IL26: variants seen among roughly 807,000 people sequenced by gnomAD.
IL26 encodes the protein interleukin 26, also known as interleukin-26.
IL26 carries 23 observed loss-of-function variants against 21.7 expected under a neutral mutation model. The ratio of observed to expected loss-of-function variants is 1.06; its 90% CI spans 0.76 to 1.50. The LOEUF is 1.50. Among genes scored for constraint, IL26 ranks in the 40% most tolerant of loss-of-function variants. The pLI is 0.00. For missense variants in IL26, 204 were observed against 196.0 expected, an observed-to-expected ratio of 1.04 and a Z score of -0.24; for synonymous variants, 63 against 67.8, an observed-to-expected ratio of 0.93 and a Z score of 0.34.
chr12:68,221,565 A>G (rs1201874852), intron 3 of IL26, among the ~76,000 whole-genome samples: 1 of 152,220 alleles, frequency 6.6e-6, no homozygotes, highest in Non-Finnish European at 1.5e-5. Context: ...AAAACCTAGA[A>G]ATGTTCAATA....
chr12:68,211,378 T>G (rs1868724453), intron 3 of IL26, among the ~76,000 whole-genome samples: 1 of 152,216 alleles, frequency 6.6e-6, no homozygotes, highest in African/African-American at 2.4e-5. Context: ...TGAGTGCAGG[T>G]TATCTCTTCA....
Position 68,225,183 on chromosome 12 carries a change from T to C in IL26, c.329A>G (p.Asp110Gly), listed in dbSNP as rs769498931. 6.2e-7 allele frequency: 1 copy of C among 1,613,394 alleles called. No homozygotes were observed. The change falls in exon 3 of 5, where the codon GAC becomes GGC. Residue 110 changes from aspartate to glycine, a missense_variant. Coordinates refer to ENST00000229134, the MANE Select transcript of IL26 (RefSeq NM_018402.2). ...CAATTTCTGCCTAAGGCTATGAAAGTCCTCCACAAAGCGTATTTTCTTGCA... is the reference window on the plus strand; with the variant it reads ...CAATTTCTGCCTAAGGCTATGAAAGCCCTCCACAAAGCGTATTTTCTTGCA... ...QGCKKIRFVE[D>G]FHSLRQKLSH... is the part of the protein sequence containing the mutation.
Position 68,225,144 on chromosome 12 carries a change from C to G in IL26, c.363+5G>C. ...AAATGCACAGTATTTGTTGTGTATA[C>G]TTACACAGTGGCTCAATTTCTGCCT... On this transcript the variant is annotated splice_donor_5th_base_variant and intron_variant, in intron 3 of 4. Transcript: ENST00000229134. 6.2e-7 allele frequency: 1 copy of G among 1,607,298 alleles called. No homozygotes were observed. The highest frequency in any genetic ancestry group is 8.5e-7 in the Non-Finnish European group (1 of 1,177,676).
At position 68,225,222 on chromosome 12, in the gene IL26, AG is replaced by A; in HGVS notation, c.289del (p.Leu97CysfsTer22). 3 of 1,613,872 alleles carry A rather than the reference AG, an allele frequency of 1.9e-6. No homozygotes were observed. The highest frequency in any genetic ancestry group is 2.5e-6 in the Non-Finnish European group (3 of 1,179,894). On this transcript the variant is annotated frameshift_variant, in exon 3 of 5. Coordinates refer to ENST00000229134, the MANE Select transcript of IL26 (RefSeq NM_018402.2). LOFTEE classifies it high-confidence loss of function. ...SFFMEDVFGQLQLQGCKKIRF... is the reference protein window; with the variant it reads ...SFFMEDVFGQXQLQGCKKIRF... ...TATTTTCTTGCAGCCTTGCAATTGC[AG>A]TTGACCAAAAACGTCTTCCATGAAG... is the stretch of plus-strand genomic sequence containing the variant.
At chr12:68,218,893 G>T (rs1031778516) in intron 3 of IL26, among the ~76,000 whole-genome samples, 1 of 152,006 alleles carries the variant, frequency 6.6e-6, no homozygotes, top group Non-Finnish European at 1.5e-5. Context: ...GAAAGCTGGA[G>T]TGATTCTATT....
chr12:68,225,499 T>G lies in IL26; in HGVS notation c.173A>C (p.Glu58Ala). 1.3e-6 allele frequency: 2 copies of G among 1,597,940 alleles called. No homozygotes were observed. The highest frequency in any genetic ancestry group is 1.7e-6 in the Non-Finnish European group (2 of 1,166,044). ...TAATCGTATATTTTTTATGCGGTCT[T>G]CCTACAATAATACAAAGAGAAATAA... ...KAAWLKATIP[E>A]DRIKNIRLLK... is the part of the protein sequence containing the mutation. The change falls in exon 2 of 5, where the codon GAA becomes GCA. Residue 58 changes from glutamate to alanine, a missense_variant and splice_region_variant. By Grantham distance (107) the Glu-to-Ala change is moderately radical. Coordinates refer to ENST00000229134, the MANE Select transcript of IL26 (RefSeq NM_018402.2).
chr12:68,210,935 C>G (rs902984747), intron 3 of IL26, among the ~76,000 whole-genome samples: 1 of 152,096 alleles, frequency 6.6e-6, no homozygotes, highest in African/African-American at 2.4e-5. Context: ...GAGCTGCACC[C>G]CATAATTTTT....
chr12:68,218,985 A>G (rs559361485), intron 3 of IL26, among the ~76,000 whole-genome samples: 2 of 152,126 alleles, frequency 1.3e-5, no homozygotes, highest in South Asian at 4.1e-4. Flanking sequence ...AAATGTGTCA[A>G]TTCATCAAGA....
intron 3 of IL26, among the ~76,000 whole-genome samples, chr12:68,208,564 G>A (rs898143890): frequency 2.0e-5 from 3 of 152,000 alleles, no homozygotes; most frequent in South Asian, 2.1e-4. Context: ...AGTGGCGCGC[G>A]CAATCTCAGC....
In IL26 at chr12:68,201,686, G is replaced by A. The variant is rs79293173; in HGVS notation, c.*159C>T. ...ATTAGTGACAACTTATATCCAAAACGTTAATTTACTAAATCCTTCTTGTCT... is the reference window on the plus strand; with the variant it reads ...ATTAGTGACAACTTATATCCAAAACATTAATTTACTAAATCCTTCTTGTCT... On this transcript the variant is annotated 3_prime_UTR_variant, in exon 5 of 5. Coordinates refer to ENST00000229134, the MANE Select transcript of IL26 (RefSeq NM_018402.2). 23 of 477,278 alleles carry A rather than the reference G, an allele frequency of 4.8e-5. No individual in the cohort carries two copies. Among genetic ancestry groups the A allele is most frequent in the African/African-American group, 1.2e-4 (6 of 49,924 alleles). 29.6% of individuals were successfully genotyped at this position (477,278 alleles called of 1,614,324 possible). A position where few individuals can be genotyped will look rare whatever the true frequency, so the allele number is the denominator to read the frequency against.
intron 3 of IL26, among the ~76,000 whole-genome samples, chr12:68,218,139 A>G (rs1272989644): frequency 3.3e-5 from 5 of 152,078 alleles, no homozygotes; most frequent in African/African-American, 1.2e-4. Context: ...GAAATATAAA[A>G]ATGTCTAGGA....
At chr12:68,210,910 C>T (rs1274221736) in intron 3 of IL26, among the ~76,000 whole-genome samples, 1 of 152,142 alleles carries the variant, frequency 6.6e-6, no homozygotes, top group African/African-American at 2.4e-5. Flanking sequence ...GAATTAAATT[C>T]CGAACTCAGC....
Position 68,225,624 on chromosome 12 carries a change from G to A in IL26, c.133C>T (p.Leu45Phe), listed in dbSNP as rs1033346775. 1.9e-6 allele frequency: 3 copies of A among 1,613,916 alleles called. No individual in the cohort carries two copies. The change falls in exon 1 of 5, where the codon CTC (leucine) becomes TTC (phenylalanine). Residue 45 changes from leucine to phenylalanine, a missense_variant. Leu to Phe is a conservative substitution (Grantham distance 22, BLOSUM62 0). Coordinates refer to ENST00000229134, the MANE Select transcript of IL26 (RefSeq NM_018402.2). Reference protein sequence around the residue: ...RGTLSQAVDALYIKAAWLKAT... With the variant: ...RGTLSQAVDAFYIKAAWLKAT... Reference sequence around the variant, plus strand: ...TTGAGCCATGCTGCTTTGATATAGAGAGCGTCAACAGCTTGGGACAATGTT... The same window carrying A: ...TTGAGCCATGCTGCTTTGATATAGAAAGCGTCAACAGCTTGGGACAATGTT...
At chr12:68,224,283 T>A (rs2120481536) in intron 3 of IL26, among the ~76,000 whole-genome samples, 1 of 140,498 alleles carries the variant, frequency 7.1e-6, no homozygotes, top group East Asian at 2.1e-4. Flanking sequence ...TCTGGCTCAG[T>A]GTTTTTGTTT....
intron 3 of IL26, among the ~76,000 whole-genome samples, chr12:68,203,241 G>A (rs1324947748): frequency 6.6e-6 from 1 of 152,272 alleles, no homozygotes; most frequent in Admixed American, 6.5e-5. Context: ...AATCACCTGG[G>A]CGTCAAACAG....
In IL26 at chr12:68,214,817, C is replaced by G. The variant is rs570952361; in HGVS notation, c.363+10332G>C. 9.3e-4 allele frequency among the ~76,000 whole-genome samples: 140 copies of G among 151,198 alleles called. 2 individuals are homozygous for G. The highest frequency in any genetic ancestry group is 3.0e-3 in the African/African-American group (123 of 41,318). ...CTGTCATTTAATTAGAAAATTTAGT[C>G]CACTTACATTCAATGTTATCATTGA... On this transcript the variant is annotated intron_variant, in intron 3 of 4. Coordinates refer to ENST00000229134, the MANE Select transcript of IL26 (RefSeq NM_018402.2).
rs2120411039 is a variant in IL26, at chr12:68,201,621, CA to C, written c.*223del. 2 of 387,794 alleles carry C rather than the reference CA, an allele frequency of 5.2e-6. No individual in the cohort carries two copies. Among genetic ancestry groups the C allele is most frequent in the South Asian group, 1.2e-4 (2 of 16,940 alleles). 24.0% of individuals were successfully genotyped at this position (387,794 alleles called of 1,614,324 possible). ...GTACTTGTGAATGACAAAACATGTTCAGAATGGAAACATTATTTGAAAACAC... is the reference window on the plus strand; with the variant it reads ...GTACTTGTGAATGACAAAACATGTTCGAATGGAAACATTATTTGAAAACAC... On this transcript the variant is annotated 3_prime_UTR_variant, in exon 5 of 5. Transcript: ENST00000229134.
At chr12:68,211,337 T>G (rs775933729) in intron 3 of IL26, among the ~76,000 whole-genome samples, 24 of 152,234 alleles carry the variant, frequency 1.6e-4, no homozygotes, top group Non-Finnish European at 3.4e-4. Context: ...TTCCATATGT[T>G]GGCTACTGTG....
chr12:68,215,229 A>C (rs1012361130), intron 3 of IL26, among the ~76,000 whole-genome samples: 2 of 152,352 alleles, frequency 1.3e-5, no homozygotes, highest in East Asian at 3.9e-4. Flanking sequence ...CAGGAGCTCA[A>C]GATGATGGGA....
Sources: allele counts gnomAD v4.1 joint callset (sites outside exome capture counted in the v4.1 genomes callset), GRCh38; gene constraint gnomAD v4.1.1; transcripts MANE v1.5; gene names NCBI Gene and HGNC (gene_info 2026-07-23, HGNC 2026-07-21).